Variants in CRIM1 observed in about 807,000 individuals in gnomAD.
CRIM1 encodes the protein cysteine-rich motor neuron 1 protein.
In CRIM1, 32 loss-of-function variants were observed where a neutral mutation model predicts 116.4. That is an observed-to-expected ratio of 0.27 (90% CI 0.21 to 0.37). The LOEUF (loss-of-function observed/expected upper bound fraction) is 0.37. Among genes scored for constraint, CRIM1 ranks in the 10% least tolerant of loss-of-function variants. The pLI, the probability that CRIM1 is intolerant of heterozygous loss-of-function variation, is 1.00. For missense variants in CRIM1, 1,331 were observed against 1,354.8 expected (o/e 0.98, Z 0.28); for synonymous variants, 590 against 509.2 (o/e 1.16, Z -2.13).
intron 2 of CRIM1, among the ~76,000 whole-genome samples, chr2:36,399,792 A>C (rs1234332598): frequency 6.6e-6 from 1 of 152,246 alleles, no homozygotes; most frequent in Non-Finnish European, 1.5e-5. Flanking sequence ...TTCTCAGGGA[A>C]GTATAAAAGA....
In CRIM1 at chr2:36,537,519, G is replaced by A; in HGVS notation, c.2596G>A (p.Glu866Lys). The change falls in exon 14 of 17, where the codon GAA becomes AAA. Residue 866 changes from glutamate to lysine, a missense_variant. This residue lies in a region of CRIM1 where 283 missense variants were observed against 242.8 expected (regional missense o/e 1.17). Transcript: ENST00000280527. Reference sequence around the variant, plus strand: ...GCCCTGTGTTGAGCCCATCAACGTGGAAGGAAGTTGCTGCCCAATGTGTCC... The same window carrying A: ...GCCCTGTGTTGAGCCCATCAACGTGAAAGGAAGTTGCTGCCCAATGTGTCC... The part of the protein sequence containing the change: ...PLPCVEPINV[E>K]GSCCPMCPEM... 1 of 1,612,740 alleles carries A rather than the reference G, an allele frequency of 6.2e-7. No homozygotes were observed. The highest frequency in any genetic ancestry group is 8.5e-7 in the Non-Finnish European group (1 of 1,179,474).
In CRIM1 at chr2:36,429,072, A is replaced by G. The variant is rs923325205; in HGVS notation, c.506-12186A>G. 4.6e-5 allele frequency among the ~76,000 whole-genome samples: 7 copies of G among 152,290 alleles called. No individual in the cohort carries two copies. In the East Asian group the frequency reaches 1.2e-3, roughly 25 times the overall value. ...GGAATACCATATGGACAAGGGCTGC[A>G]CCGTAGGGATTGAATGGGCAAAAAA... is the stretch of plus-strand genomic sequence containing the variant. On this transcript the variant is annotated intron_variant, in intron 2 of 16. Coordinates refer to ENST00000280527, the MANE Select transcript of CRIM1 (RefSeq NM_016441.3).
intron 5 of CRIM1, among the ~76,000 whole-genome samples, chr2:36,468,291 C>T (rs929211270): frequency 6.6e-6 from 1 of 152,152 alleles, no homozygotes; most frequent in Admixed American, 6.5e-5. Flanking sequence ...TTTTAAAATA[C>T]ACAGAACTCG....
chr2:36,422,468 A>G (rs919418785), intron 2 of CRIM1, among the ~76,000 whole-genome samples: 1 of 152,190 alleles, frequency 6.6e-6, no homozygotes, highest in African/African-American at 2.4e-5. Context: ...TTGGATTCCA[A>G]TAACTGTGTA....
chr2:36,411,320 T>G (rs915682683), intron 2 of CRIM1, among the ~76,000 whole-genome samples: 7 of 152,234 alleles, frequency 4.6e-5, no homozygotes, highest in African/African-American at 1.7e-4. Flanking sequence ...CCTGGCTTCA[T>G]GTCTGTCTAG....
intron 5 of CRIM1, among the ~76,000 whole-genome samples, chr2:36,471,214 C>T (rs561675631): frequency 5.8e-4 from 89 of 152,214 alleles, no homozygotes; most frequent in Non-Finnish European, 9.4e-4. Flanking sequence ...CCAGATAAAA[C>T]GACAACCAGG....
At chr2:36,522,006 G>A in intron 12 of CRIM1, 86 bp from the exon 13 acceptor site, 1 of 1,095,040 alleles carries the variant, frequency 9.1e-7, no homozygotes, top group South Asian at 1.3e-5. Flanking sequence ...AAGCCATCAT[G>A]ACTGGGTGTG....
At chr2:36,439,092 G>C (rs1675568050) in intron 2 of CRIM1, among the ~76,000 whole-genome samples, 1 of 152,232 alleles carries the variant, frequency 6.6e-6, no homozygotes, top group African/African-American at 2.4e-5. Flanking sequence ...GCCTGCAAAT[G>C]AATGTTTCCC....
rs1163552119 is a variant in CRIM1, at chr2:36,356,462, A to G, written c.170A>G (p.Gln57Arg). 1.2e-6 allele frequency: 2 copies of G among 1,612,432 alleles called. No individual in the cohort carries two copies. Among genetic ancestry groups the G allele is most frequent in the East Asian group, 2.2e-5 (1 of 44,860 alleles). Residue 57 changes from glutamine (Q) to arginine (R), a missense_variant, in exon 1 of 17, where the codon CAG becomes CGG. Physicochemically the swap from Gln to Arg is conservative, Grantham distance 43. Coordinates refer to ENST00000280527, the MANE Select transcript of CRIM1 (RefSeq NM_016441.3). The surrounding 1 kb of genome is among the most constrained non-coding windows in gnomAD (Gnocchi z 4.3). The part of the protein sequence containing the change: ...EPRNCPGSIV[Q>R]GVCGCCYTCA... ...AGGAACTGCCCGGGGAGCATCGTGCAGGGCGTCTGCGGCTGCTGCTACACG... is the reference window on the plus strand; with the variant it reads ...AGGAACTGCCCGGGGAGCATCGTGCGGGGCGTCTGCGGCTGCTGCTACACG...
At chr2:36,420,414 G>A (rs1373214723) in intron 2 of CRIM1, among the ~76,000 whole-genome samples, 1 of 152,100 alleles carries the variant, frequency 6.6e-6, no homozygotes, top group Non-Finnish European at 1.5e-5. Context: ...GAACCCAGAT[G>A]GTTTCATTCT....
chr2:36,426,109 C>T (rs1196836880), intron 2 of CRIM1, among the ~76,000 whole-genome samples: 2 of 152,158 alleles, frequency 1.3e-5, no homozygotes, highest in African/African-American at 2.4e-5. Context: ...AGTGATGATT[C>T]TTTACCAAAA....
chr2:36,445,534 C>T (rs952991299), intron 4 of CRIM1, among the ~76,000 whole-genome samples: 1 of 152,294 alleles, frequency 6.6e-6, no homozygotes, highest in African/African-American at 2.4e-5. Context: ...ACTGAATTGT[C>T]GAATGCGTGA....
intron 1 of CRIM1, among the ~76,000 whole-genome samples, chr2:36,382,818 A>C (rs924438370): frequency 6.6e-6 from 1 of 152,254 alleles, no homozygotes; most frequent in Non-Finnish European, 1.5e-5. Context: ...GCACATACAC[A>C]TAAGTTAAAA....
chr2:36,434,919 G>T (rs1159303339), intron 2 of CRIM1, among the ~76,000 whole-genome samples: 1 of 152,116 alleles, frequency 6.6e-6, no homozygotes, highest in Non-Finnish European at 1.5e-5. Flanking sequence ...GCAAGCCTGT[G>T]TTGCGATGCC....
intron 1 of CRIM1, among the ~76,000 whole-genome samples, chr2:36,381,863 C>G (rs924196768): frequency 6.6e-6 from 1 of 152,210 alleles, no homozygotes; most frequent in East Asian, 1.9e-4. Context: ...TTTTAACATG[C>G]TCAGCCTTGG....
At chr2:36,475,509 T>G (rs750148187) in intron 5 of CRIM1, among the ~76,000 whole-genome samples, 4 of 152,238 alleles carry the variant, frequency 2.6e-5, no homozygotes, top group African/African-American at 4.8e-5. Flanking sequence ...ACATACAAGA[T>G]CATGTCATCT....
intron 13 of CRIM1, among the ~76,000 whole-genome samples, chr2:36,523,733 A>G (rs1184708702): frequency 6.6e-6 from 1 of 152,208 alleles, no homozygotes; most frequent in Non-Finnish European, 1.5e-5. Flanking sequence ...ATATATCTGG[A>G]GTGATAGATG....
intron 1 of CRIM1, among the ~76,000 whole-genome samples, chr2:36,361,171 A>G (rs553561149): frequency 6.6e-6 from 1 of 152,270 alleles, no homozygotes; most frequent in African/African-American, 2.4e-5. Flanking sequence ...GTCACATAAA[A>G]CACTTGGCAA....
intron 5 of CRIM1, among the ~76,000 whole-genome samples, chr2:36,475,431 A>T (rs1678895239): frequency 6.6e-6 from 1 of 152,180 alleles, no homozygotes; most frequent in Non-Finnish European, 1.5e-5. Context: ...TTGCAATTGT[A>T]CTCTGCAACC....
Sources: gnomAD v4.1 joint callset for allele counts (sites outside exome capture counted in the v4.1 genomes callset) on GRCh38, gnomAD v4.1.1 for gene constraint, gnomAD v4.1.1 regional missense constraint, Gnocchi (gnomAD v3.1) non-coding constraint, MANE v1.5 for transcripts, NCBI Gene and HGNC (gene_info 2026-07-23, HGNC 2026-07-21) for gene names.